The following IFT81 variants were observed in gnomAD, a reference collection of about 807,000 sequenced individuals.
IFT81 encodes the protein intraflagellar transport 81, also known as intraflagellar transport protein 81 homolog.
A neutral mutation model predicts 102.6 loss-of-function variants in IFT81; 72 were observed. The ratio of observed to expected loss-of-function variants is 0.70; its 90% confidence interval spans 0.58 to 0.85. The LOEUF (loss-of-function observed/expected upper bound fraction) is 0.85. Ranked by LOEUF, IFT81 falls within the 40% of genes least tolerant of loss-of-function variation. The pLI, the probability that IFT81 is intolerant of heterozygous loss-of-function variation, is 0.00. For synonymous variants in IFT81, 237 were observed against 242.7 expected, an observed-to-expected ratio of 0.98 and a Z score of 0.22; for missense variants, 723 against 787.3, an observed-to-expected ratio of 0.92 and a Z score of 0.98.
chr12:110,143,456 GA>G lies in IFT81; in HGVS notation c.860del (p.Asn287IlefsTer12). 6.4e-7 allele frequency: 1 copy of G among 1,551,054 alleles called. No individual in the cohort carries two copies. Among genetic ancestry groups the G allele is most frequent in the Non-Finnish European group, 8.6e-7 (1 of 1,157,610 alleles). On this transcript the variant is annotated frameshift_variant, in exon 9 of 19. Transcript: ENST00000242591. LOFTEE classifies it high-confidence loss of function. ...MVTEKFPKEL[E>X]NKKKELHFLQ... ...AACTGAAAAATTTCCTAAAGAATTA[GA>G]AAATAAGAAAAAGGAATTACATTTT...
At position 110,218,705 on chromosome 12, in the gene IFT81, A is replaced by G. The variant is rs1870450207; in HGVS notation, c.*479A>G. On this transcript the variant is annotated 3_prime_UTR_variant, in exon 19 of 19. Transcript: ENST00000242591. ...TTTTTCTTCTGTAAAATGCAAGAAA[A>G]TTTAATATTTTGACTAACATGTCTT... 1 of 152,308 alleles carries G rather than the reference A, an allele frequency of 6.6e-6. No homozygotes were observed. Among genetic ancestry groups the G allele is most frequent in the South Asian group, 2.1e-4 (1 of 4,832 alleles). 9.4% of individuals were successfully genotyped at this position (152,308 alleles called of 1,614,324 possible).
intron 11 of IFT81, among the ~76,000 whole-genome samples, chr12:110,173,049 C>T (rs1431841564): frequency 6.7e-6 from 1 of 148,694 alleles, no homozygotes; most frequent in Non-Finnish European, 1.5e-5. Context: ...GCGCCTCTGC[C>T]CAGCTGCCCC....
At chr12:110,202,986 C>G (rs1898372828) in intron 14 of IFT81, among the ~76,000 whole-genome samples, 1 of 152,102 alleles carries the variant, frequency 6.6e-6, no homozygotes, top group Admixed American at 6.5e-5. Flanking sequence ...CCAGCATAGG[C>G]TGGGTGCGGT....
chr12:110,179,854 T>TAA (rs1191084581), intron 11 of IFT81, among the ~76,000 whole-genome samples: 4 of 143,700 alleles, frequency 2.8e-5, no homozygotes, highest in African/African-American at 1.0e-4. Context: ...TATATATATA[T>TAA]AATATATGTA....
At chr12:110,173,823 A>G (rs932548463) in intron 11 of IFT81, among the ~76,000 whole-genome samples, 46 of 152,120 alleles carry the variant, frequency 3.0e-4, no homozygotes, top group African/African-American at 1.1e-3. Context: ...GGACACAAAC[A>G]CTGCGGAAGG....
chr12:110,167,274 G>A (rs770239943), intron 11 of IFT81, among the ~76,000 whole-genome samples: 18 of 152,018 alleles, frequency 1.2e-4, no homozygotes, highest in Admixed American at 5.2e-4. Context: ...TTTTCATAAA[G>A]TAAGGCAGTA....
intron 8 of IFT81, among the ~76,000 whole-genome samples, chr12:110,142,474 C>T (rs7299118): frequency 1.1e-3 from 162 of 152,208 alleles, no homozygotes; most frequent in African/African-American, 3.8e-3. Context: ...GCCTGTTACT[C>T]TTTTTTAGAT....
At chr12:110,195,752 T>G (rs932912519) in intron 14 of IFT81, among the ~76,000 whole-genome samples, 3 of 152,204 alleles carry the variant, frequency 2.0e-5, no homozygotes, top group Admixed American at 6.5e-5. Context: ...GTCCTCTAGT[T>G]GAGTCCTCCA....
intron 11 of IFT81, among the ~76,000 whole-genome samples, chr12:110,179,725 TA>T (rs1309461727): frequency 3.7e-3 from 26 of 7,018 alleles, no homozygotes; most frequent in African/African-American, 0.016. Context: ...ATCTCGAAAT[TA>T]TATATATATA....
At chr12:110,163,110 T>C (rs1433874098) in intron 11 of IFT81, 45 bp downstream of exon 11, 1 of 1,503,922 alleles carries the variant, frequency 6.6e-7, no homozygotes, top group Non-Finnish European at 9.1e-7. Flanking sequence ...GTATTGTTTT[T>C]ATGTGAAACT....
intron 4 of IFT81, among the ~76,000 whole-genome samples, chr12:110,131,540 G>T (rs1160101641): frequency 6.6e-6 from 1 of 151,824 alleles, no homozygotes; most frequent in East Asian, 1.9e-4. Flanking sequence ...TAGAGACAGG[G>T]TTTCACCATG....
At chr12:110,131,881 G>A (rs2137306558) in intron 4 of IFT81, among the ~76,000 whole-genome samples, 1 of 152,316 alleles carries the variant, frequency 6.6e-6, no homozygotes, top group Admixed American at 6.5e-5. Context: ...TCTATGTGAA[G>A]ACTTGAAGGA....
chr12:110,182,852 A>T (rs1010556649), intron 12 of IFT81, among the ~76,000 whole-genome samples: 1 of 152,120 alleles, frequency 6.6e-6, no homozygotes, highest in Non-Finnish European at 1.5e-5. Context: ...CCTAAAGTGG[A>T]TCACTGGGGA....
At position 110,197,244 on chromosome 12, in the gene IFT81, GTAGGTAGA is replaced by G. The variant is rs1409681253; in HGVS notation, c.1557+4542_1557+4549del. On this transcript the variant is annotated intron_variant, in intron 14 of 18. Coordinates refer to ENST00000242591, the MANE Select transcript of IFT81 (RefSeq NM_014055.4). ...AGTGGGTAGATAAGTAGATAGGTAG[GTAGGTAGA>G]TAGATAGATAGATAGATAGATAGAT... is the stretch of plus-strand genomic sequence containing the variant. Among the ~76,000 whole-genome samples, 340 of 134,866 alleles carry G rather than the reference GTAGGTAGA, an allele frequency of 2.5e-3. 2 individuals are homozygous for G. Among genetic ancestry groups the G allele is most frequent in the African/African-American group, 7.7e-3 (284 of 37,070 alleles). 88.5% of individuals were successfully genotyped at this position (134,866 alleles called of 152,430 possible).
At chr12:110,125,690 C>T (rs1415234447) in intron 1 of IFT81, among the ~76,000 whole-genome samples, 1 of 152,218 alleles carries the variant, frequency 6.6e-6, no homozygotes, top group African/African-American at 2.4e-5. Flanking sequence ...CGACAGCTCC[C>T]GGCAGCAACT....
rs1894021864 is a variant in IFT81, at chr12:110,129,136, CAA to C, written c.429+7_429+8del. 1 of 1,572,082 alleles carries C rather than the reference CAA, an allele frequency of 6.4e-7. No individual in the cohort carries two copies. The highest frequency in any genetic ancestry group is 1.2e-5 in the South Asian group (1 of 85,716). On this transcript the variant is annotated splice_region_variant and intron_variant, in intron 4 of 18. Transcript: ENST00000242591. ...TGGCTGACACCAATAAACAGGTAAA[CAA>C]TACATAAATGGTACATTGAAACTGT...
chr12:110,146,347 C>T (rs1381363122), intron 9 of IFT81, among the ~76,000 whole-genome samples: 1 of 152,156 alleles, frequency 6.6e-6, no homozygotes, highest in African/African-American at 2.4e-5. Context: ...GGTGTTATCC[C>T]TGTCAACTGT....
intron 12 of IFT81, among the ~76,000 whole-genome samples, chr12:110,187,983 A>G (rs549208587): frequency 8.6e-4 from 131 of 152,262 alleles, no homozygotes; most frequent in African/African-American, 3.0e-3. Context: ...CTGAATTCCT[A>G]CCTTTATCTC....
chr12:110,168,502 T>C (rs552391292), intron 11 of IFT81: 3 of 935,430 alleles, frequency 3.2e-6, no homozygotes, highest in Admixed American at 1.2e-4. Context: ...AAAAAATGCA[T>C]AAACGATTAT....
Sources: gnomAD v4.1 joint callset for allele counts (sites outside exome capture counted in the v4.1 genomes callset) on GRCh38, gnomAD v4.1.1 for gene constraint, MANE v1.5 for transcripts, NCBI Gene and HGNC (gene_info 2026-07-23, HGNC 2026-07-21) for gene names.